The following TAFA1 variants were observed in gnomAD, a reference collection of about 807,000 sequenced individuals.
TAFA1 encodes the protein TAFA chemokine like family member 1, also known as chemokine-like protein TAFA-1.
In TAFA1, 4 loss-of-function variants were observed where a neutral mutation model predicts 18.5. The observed-to-expected ratio is 0.22, with a 90% confidence interval of 0.11 to 0.49. The LOEUF (loss-of-function observed/expected upper bound fraction) is 0.49, where lower values mean the gene tolerates loss of function less well. TAFA1 is among the 20% of genes least tolerant of loss of function. TAFA1 has a pLI of 0.98. For synonymous variants in TAFA1, 56 were observed against 55.2 expected (o/e 1.01, Z -0.06); for missense variants, 147 against 169.0 (o/e 0.87, Z 0.72).
At chr3:68,096,264 TC>T (rs1384908316) in intron 2 of TAFA1, among the ~76,000 whole-genome samples, 23 of 152,148 alleles carry the variant, frequency 1.5e-4, no homozygotes, top group Admixed American at 1.5e-3. Context: ...AAGATTTCAT[TC>T]TTTTTTATGG....
intron 2 of TAFA1, among the ~76,000 whole-genome samples, chr3:68,190,592 T>C (rs2066325003): frequency 6.6e-6 from 1 of 151,852 alleles, no homozygotes; most frequent in South Asian, 2.1e-4. Context: ...CTGTTTTTGC[T>C]CTGTGTCAGT....
intron 2 of TAFA1, among the ~76,000 whole-genome samples, chr3:68,142,787 C>A (rs1424426698): frequency 6.6e-6 from 1 of 152,156 alleles, no homozygotes; most frequent in Non-Finnish European, 1.5e-5. Context: ...TCAGAGGCAG[C>A]TCATTTCCAT....
intron 2 of TAFA1, among the ~76,000 whole-genome samples, chr3:68,268,546 G>C (rs1211804359): frequency 6.6e-6 from 1 of 152,074 alleles, no homozygotes; most frequent in Non-Finnish European, 1.5e-5. Context: ...CCCACTGGGA[G>C]AAAATATGGT....
intron 2 of TAFA1, among the ~76,000 whole-genome samples, chr3:68,025,039 C>T (rs1704785020): frequency 6.6e-6 from 1 of 152,082 alleles, no homozygotes; most frequent in Non-Finnish European, 1.5e-5. Context: ...TTTCTCTGGC[C>T]TGGGCAAAAT....
At chr3:68,369,846 C>T (rs1209615253) in intron 2 of TAFA1, among the ~76,000 whole-genome samples, 3 of 152,142 alleles carry the variant, frequency 2.0e-5, no homozygotes, top group African/African-American at 4.8e-5. Flanking sequence ...AAAATATTTG[C>T]AAGTGCCACA....
At chr3:68,359,398 A>G (rs865930847) in intron 2 of TAFA1, among the ~76,000 whole-genome samples, 4 of 152,048 alleles carry the variant, frequency 2.6e-5, no homozygotes, top group Non-Finnish European at 5.9e-5. Context: ...CCTGCTAATT[A>G]GTTGATTTTA....
At chr3:68,472,360 T>C (rs1038259503) in intron 3 of TAFA1, among the ~76,000 whole-genome samples, 6 of 152,160 alleles carry the variant, frequency 3.9e-5, no homozygotes, top group Non-Finnish European at 8.8e-5. Flanking sequence ...TCCCCAGCCA[T>C]GTGGAACTGT....
intron 2 of TAFA1, among the ~76,000 whole-genome samples, chr3:68,014,873 A>G (rs1291686764): frequency 6.6e-6 from 1 of 152,100 alleles, no homozygotes; most frequent in Non-Finnish European, 1.5e-5. Flanking sequence ...TTGATGTGTA[A>G]TTTTCTTACC....
At chr3:68,163,564 T>A (rs2065949894) in intron 2 of TAFA1, among the ~76,000 whole-genome samples, 1 of 152,206 alleles carries the variant, frequency 6.6e-6, no homozygotes. Context: ...GCTCCCATAG[T>A]GTTATGATGC....
At chr3:68,022,844 A>ATAATATATATATAT (rs1704724752) in intron 2 of TAFA1, among the ~76,000 whole-genome samples, 1 of 2,568 alleles carries the variant, frequency 3.9e-4, no homozygotes, top group African/African-American at 5.2e-4. Flanking sequence ...TATATATATT[A>ATAATATATATATAT]TATATATATA....
Position 68,344,918 on chromosome 3 carries a change from A to G in TAFA1, c.119-72362A>G, listed in dbSNP as rs139705532. On this transcript the variant is annotated intron_variant, in intron 2 of 4. Coordinates refer to ENST00000478136, the MANE Select transcript of TAFA1 (RefSeq NM_213609.4). Reference sequence around the variant, plus strand: ...ACTAACAGCTAGCACAGAATATCCAACACCGGAAATTATGCTCTTAATCAC... The same window carrying G: ...ACTAACAGCTAGCACAGAATATCCAGCACCGGAAATTATGCTCTTAATCAC... 6.7e-3 allele frequency among the ~76,000 whole-genome samples: 1,021 copies of G among 152,280 alleles called. 11 individuals are homozygous for G. The highest frequency in any genetic ancestry group is 0.024 in the African/African-American group (981 of 41,554).
intron 2 of TAFA1, among the ~76,000 whole-genome samples, chr3:68,395,178 C>G (rs980938777): frequency 1.3e-5 from 2 of 151,914 alleles, no homozygotes; most frequent in Non-Finnish European, 2.9e-5. Flanking sequence ...ATGCGGCCAA[C>G]AAACATATGA....
At chr3:68,424,724 A>T (rs2071021038) in intron 3 of TAFA1, among the ~76,000 whole-genome samples, 1 of 152,090 alleles carries the variant, frequency 6.6e-6, no homozygotes, top group Non-Finnish European at 1.5e-5. Context: ...GAGAAGGATT[A>T]TGTATGATAG....
chr3:68,487,696 G>A (rs1477246046), intron 3 of TAFA1, among the ~76,000 whole-genome samples: 2 of 148,966 alleles, frequency 1.3e-5, no homozygotes, highest in African/African-American at 2.5e-5. Context: ...AGCTTGCAGT[G>A]AGCCGAGATC....
chr3:68,063,512 A>G (rs1287173281), intron 2 of TAFA1, among the ~76,000 whole-genome samples: 1 of 152,226 alleles, frequency 6.6e-6, no homozygotes, highest in Non-Finnish European at 1.5e-5. Context: ...TTTCATAATT[A>G]TAATGTAAAA....
chr3:68,543,690 C>G (rs2073413455), intron 4 of TAFA1, among the ~76,000 whole-genome samples: 1 of 152,048 alleles, frequency 6.6e-6, no homozygotes, highest in South Asian at 2.1e-4. Flanking sequence ...GCCATATTTC[C>G]TGGAACTCTA....
At chr3:68,386,385 G>A (rs1420462425) in intron 2 of TAFA1, among the ~76,000 whole-genome samples, 1 of 152,042 alleles carries the variant, frequency 6.6e-6, no homozygotes, top group African/African-American at 2.4e-5. Context: ...GACTGAGGTG[G>A]TTACGAGTTT....
At chr3:68,392,666 C>A (rs991528181) in intron 2 of TAFA1, among the ~76,000 whole-genome samples, 4 of 152,134 alleles carry the variant, frequency 2.6e-5, no homozygotes, top group Admixed American at 1.3e-4. Context: ...TCTCTCAGAC[C>A]ACAGTGCAAT....
chr3:68,235,356 T>A (rs1339614725), intron 2 of TAFA1, among the ~76,000 whole-genome samples: 1 of 152,226 alleles, frequency 6.6e-6, no homozygotes, highest in Non-Finnish European at 1.5e-5. Flanking sequence ...CTCTATTATA[T>A]TGATAGCAGC....
Sources: allele counts gnomAD v4.1 joint callset (sites outside exome capture counted in the v4.1 genomes callset), GRCh38; gene constraint gnomAD v4.1.1; transcripts MANE v1.5; gene names NCBI Gene and HGNC (gene_info 2026-07-23, HGNC 2026-07-21).